USP24: variants seen among roughly 807,000 people sequenced by gnomAD.
USP24 encodes the protein ubiquitin specific peptidase 24, also known as ubiquitin carboxyl-terminal hydrolase 24.
A neutral mutation model predicts 361.6 loss-of-function variants in USP24; 97 were observed. The observed-to-expected ratio is 0.27, with a 90% CI of 0.23 to 0.32. The LOEUF is 0.32. Ranked by LOEUF, USP24 falls within the 10% of genes least tolerant of loss-of-function variation. The pLI, the probability that USP24 is intolerant of heterozygous loss-of-function variation, is 1.00. For synonymous variants in USP24, 1,098 were observed against 1,124.6 expected (o/e 0.98, Z 0.47); for missense variants, 2,353 against 3,165.6 (o/e 0.74, Z 6.16).
intron 24 of USP24, among the ~76,000 whole-genome samples, chr1:55,140,743 G>A (rs1646864483): frequency 6.6e-6 from 1 of 152,282 alleles, no homozygotes; most frequent in Non-Finnish European, 1.5e-5. Context: ...GTGAGGTAGG[G>A]AGAGCAAGTC....
intron 31 of USP24, 70 bp downstream of exon 31, chr1:55,132,475 T>C: frequency 6.7e-7 from 1 of 1,487,292 alleles, no homozygotes. Flanking sequence ...ATTTCTGACA[T>C]CTGAAAGCAT....
chr1:55,144,221 C>CA lies in USP24; in HGVS notation c.2363-19dup. ...GTTAAAACCTGTAATTATAGAATGC[C>CA]AAATAAATTCATGTACTCTACGTAA... is the stretch of plus-strand genomic sequence containing the variant. On this transcript the variant is annotated intron_variant, in intron 20 of 67. Transcript: ENST00000294383. The CA allele has an allele frequency of 6.7e-7, 1 of 1,502,022 alleles. No individual in the cohort carries two copies. The highest frequency in any genetic ancestry group is 9.1e-7 in the Non-Finnish European group (1 of 1,097,266). The allele number at this position is 1,502,022 out of a possible 1,614,324, so 93.0% of individuals were successfully genotyped here.
chr1:55,184,709 A>G (rs1203582682), intron 1 of USP24, among the ~76,000 whole-genome samples: 2 of 152,216 alleles, frequency 1.3e-5, no homozygotes, highest in Non-Finnish European at 2.9e-5. Flanking sequence ...AACAATTTAA[A>G]AGAAGTGAAA....
At chr1:55,191,636 G>A (rs549533369) in intron 1 of USP24, among the ~76,000 whole-genome samples, 144 of 151,894 alleles carry the variant, frequency 9.5e-4, no homozygotes, top group Non-Finnish European at 1.7e-3. Flanking sequence ...GATTACAGGC[G>A]CCTGCCACCA....
intron 67 of USP24, 69 bp downstream of exon 67, chr1:55,071,745 G>A: frequency 6.9e-7 from 1 of 1,452,638 alleles, no homozygotes. Flanking sequence ...CCTCAGCTGT[G>A]GAAATTCTTT....
chr1:55,079,548 T>A lies in USP24; in HGVS notation c.7190A>T (p.Tyr2397Phe). The change falls in exon 60 of 68, where the codon TAC becomes TTC. Residue 2397 changes from tyrosine (Y) to phenylalanine (F), a missense_variant. Transcript: ENST00000294383. ...ALLFMSEGKP[Y>F]LLEVMFALRE... ...ATAACAAGTACATACCTCTAACAGG[T>A]AAGGTTTCCCTTCAGACATGAACAA... 6.4e-7 allele frequency: 1 copy of A among 1,573,192 alleles called. No individual in the cohort carries two copies. Among genetic ancestry groups the A allele is most frequent in the Non-Finnish European group, 8.6e-7 (1 of 1,166,708 alleles).
At position 55,159,595 on chromosome 1, in the gene USP24, T is replaced by C. The variant is rs1427073775; in HGVS notation, c.1068+16A>G. The C allele has an allele frequency of 6.4e-7, 1 of 1,554,188 alleles. No homozygotes were observed. Among genetic ancestry groups the C allele is most frequent in the Admixed American group, 1.9e-5 (1 of 51,442 alleles). ...TAACTGGCACTGGGGCCTATCTGGC[T>C]GGAGAAGGCATTTACCTTGTCTTTG... is the stretch of plus-strand genomic sequence containing the variant. On this transcript the variant is annotated intron_variant, in intron 9 of 67. Transcript: ENST00000294383.
At chr1:55,125,279 A>G (rs1179477371) in intron 34 of USP24, 41 bp downstream of exon 34, 5 of 1,580,154 alleles carry the variant, frequency 3.2e-6, no homozygotes, top group South Asian at 1.1e-5. Context: ...GACATTCTGA[A>G]TAAGAGGGAC....
chr1:55,101,702 T>C lies in USP24; in HGVS notation c.5027A>G (p.Tyr1676Cys). ...PDPALTKEFD[Y>C]LPPVDSRSSS... ...GGACCTGCTATCCACTGGGGGAAGG[T>C]ACTGGAAAAGAGAGGAATAGAAACA... The change falls in exon 43 of 68, where the codon TAC (tyrosine) becomes TGC (cysteine). Residue 1676 changes from tyrosine (Y) to cysteine (C), a missense_variant and splice_region_variant. Coordinates refer to ENST00000294383, the MANE Select transcript of USP24 (RefSeq NM_015306.3). 1 of 1,601,538 alleles carries C rather than the reference T, an allele frequency of 6.2e-7. No homozygotes were observed. The highest frequency in any genetic ancestry group is 1.1e-5 in the South Asian group (1 of 88,156).
At chr1:55,108,615 T>C (rs549679186) in intron 39 of USP24, among the ~76,000 whole-genome samples, 1 of 152,336 alleles carries the variant, frequency 6.6e-6, no homozygotes, top group East Asian at 1.9e-4. Flanking sequence ...AGACATGTTA[T>C]TACCCGAGAA....
intron 24 of USP24, 150 bp downstream of exon 24, chr1:55,141,466 G>A: frequency 1.4e-6 from 1 of 712,902 alleles, no homozygotes; most frequent in South Asian, 1.8e-5. Context: ...TGTATGATGG[G>A]GAACATGTAA....
chr1:55,130,395 G>A (rs1308526988), intron 31 of USP24, among the ~76,000 whole-genome samples: 1 of 152,156 alleles, frequency 6.6e-6, no homozygotes, highest in African/African-American at 2.4e-5. Flanking sequence ...CTTAGTATAA[G>A]CATCAGCACA....
chr1:55,089,210 G>A (rs1037103585), intron 55 of USP24, among the ~76,000 whole-genome samples: 3 of 152,082 alleles, frequency 2.0e-5, no homozygotes, highest in East Asian at 1.9e-4. Flanking sequence ...CTGGCCTACC[G>A]GTAGATTTTT....
In USP24 at chr1:55,097,676, G is replaced by A. The variant is rs75297697; in HGVS notation, c.5637C>T (p.Ser1879=). The change falls in exon 48 of 68, where the codon AGC becomes AGT. Residue 1879 remains serine, a synonymous_variant. Coordinates refer to ENST00000294383, the MANE Select transcript of USP24 (RefSeq NM_015306.3). Reference sequence around the variant, plus strand: ...ATCTCATTAGGTGAATTACCAAGACGCTAGGTAAAGATTTAATACAGGTCC... The same window carrying A: ...ATCTCATTAGGTGAATTACCAAGACACTAGGTAAAGATTTAATACAGGTCC... ...VKRTCIKSLP[S]VLVIHLMRFG... The A allele has an allele frequency of 2.7e-3, 4,259 of 1,586,272 alleles. 11 individuals carry two copies. The highest frequency in any genetic ancestry group is 7.4e-3 in the African/African-American group (554 of 74,438).
At chr1:55,124,266 T>C (rs188976955) in intron 35 of USP24, among the ~76,000 whole-genome samples, 21 of 152,306 alleles carry the variant, frequency 1.4e-4, no homozygotes, top group Non-Finnish European at 1.6e-4. Flanking sequence ...TTTATAAATA[T>C]TTTTCTTCTT....
intron 5 of USP24, among the ~76,000 whole-genome samples, chr1:55,168,683 A>C (rs1365102491): frequency 6.6e-6 from 1 of 152,208 alleles, no homozygotes; most frequent in Non-Finnish European, 1.5e-5. Context: ...CGGAAAGGGA[A>C]AATAAGGATG....
In USP24 at chr1:55,141,174, C is replaced by G. The variant is rs539970975; in HGVS notation, c.2750+442G>C. On this transcript the variant is annotated intron_variant, in intron 24 of 67. Transcript: ENST00000294383. ...TTAATTAATCATCTTCTACTTCATT[C>G]TGCTTACCCTATTAATGCCCTGAGT... Among the ~76,000 whole-genome samples the G allele has an allele frequency of 5.9e-5, 9 of 152,190 alleles. No homozygotes were observed. In the South Asian group the frequency reaches 1.9e-3, roughly 32 times the overall value.
At chr1:55,131,485 T>A (rs1269829139) in intron 31 of USP24, among the ~76,000 whole-genome samples, 1 of 152,230 alleles carries the variant, frequency 6.6e-6, no homozygotes, top group Admixed American at 6.5e-5. Flanking sequence ...AATGTCCATA[T>A]AAATAAGGAC....
intron 42 of USP24, 43 bp downstream of exon 42, chr1:55,103,833 T>C: frequency 6.3e-7 from 1 of 1,579,310 alleles, no homozygotes; most frequent in Non-Finnish European, 8.6e-7. Flanking sequence ...GTTTCAGAGA[T>C]CATTCTAAAA....
Sources: allele counts gnomAD v4.1 joint callset (sites outside exome capture counted in the v4.1 genomes callset), GRCh38; gene constraint gnomAD v4.1.1; transcripts MANE v1.5; gene names NCBI Gene and HGNC (gene_info 2026-07-23, HGNC 2026-07-21).